The following CSGALNACT1 variants were observed in gnomAD, a reference collection of about 807,000 sequenced individuals.
CSGALNACT1 encodes the protein chondroitin sulfate N-acetylgalactosaminyltransferase 1.
Under a neutral mutation model 51.0 loss-of-function variants are expected in CSGALNACT1, and 52 were observed. The observed-to-expected ratio is 1.02, with a 90% CI of 0.82 to 1.29. The LOEUF (loss-of-function observed/expected upper bound fraction) is 1.29, where lower values mean the gene tolerates loss of function less well. Among genes scored for constraint, CSGALNACT1 ranks in the 50% most tolerant of loss-of-function variants. The pLI, the probability that CSGALNACT1 is intolerant of heterozygous loss-of-function variation, is 0.00. For synonymous variants in CSGALNACT1, 341 were observed against 254.4 expected, an observed-to-expected ratio of 1.34 and a Z score of -3.24; for missense variants, 935 against 679.2, an observed-to-expected ratio of 1.38 and a Z score of -4.19.
chr8:19,638,467 A>G (rs772423866), intron 1 of CSGALNACT1, among the ~76,000 whole-genome samples: 2 of 152,164 alleles, frequency 1.3e-5, no homozygotes, highest in Non-Finnish European at 2.9e-5. Context: ...TAATTGTTCT[A>G]GTTATTTCTG....
intron 1 of CSGALNACT1, among the ~76,000 whole-genome samples, chr8:19,691,501 T>C (rs1485379230): frequency 6.6e-6 from 1 of 152,186 alleles, no homozygotes; most frequent in Admixed American, 6.5e-5. Flanking sequence ...ACTAGGCCTG[T>C]TAGACCAAAC....
intron 5 of CSGALNACT1, among the ~76,000 whole-genome samples, chr8:19,457,293 C>G (rs1278284060): frequency 6.6e-6 from 1 of 152,152 alleles, no homozygotes; most frequent in Non-Finnish European, 1.5e-5. Flanking sequence ...GAACATTATG[C>G]CTTTCAATAA....
At chr8:19,723,745 G>A (rs2063249415) in intron 1 of CSGALNACT1, among the ~76,000 whole-genome samples, 1 of 152,140 alleles carries the variant, frequency 6.6e-6, no homozygotes, top group African/African-American at 2.4e-5. Flanking sequence ...ACCATTTGAT[G>A]GTACCGTACA....
rs1300251667 is a variant in CSGALNACT1, at chr8:19,472,997, T to C, written c.635-14355A>G. ...TCTTACTATTATTATCATGTCATTC[T>C]ACTTTGTTCCATCAATCATTTAATG... On this transcript the variant is annotated intron_variant, in intron 4 of 9. Coordinates refer to ENST00000454498, the Ensembl canonical transcript of CSGALNACT1. Among the ~76,000 whole-genome samples, 3 of 152,234 alleles carry C rather than the reference T, an allele frequency of 2.0e-5. No individual in the cohort carries two copies. In the East Asian group the frequency reaches 5.8e-4, roughly 29 times the overall value.
At chr8:19,609,191 A>G (rs1213788281) in intron 1 of CSGALNACT1, among the ~76,000 whole-genome samples, 1 of 150,834 alleles carries the variant, frequency 6.6e-6, no homozygotes, top group African/African-American at 2.4e-5. Context: ...TTTTTTTTAT[A>G]TTGAGATTGA....
intron 1 of CSGALNACT1, among the ~76,000 whole-genome samples, chr8:19,669,772 G>A (rs184148216): frequency 6.6e-6 from 1 of 152,220 alleles, no homozygotes; most frequent in African/African-American, 2.4e-5. Context: ...ACTGTGCCCA[G>A]CTGTAAACCA....
intron 9 of CSGALNACT1, among the ~76,000 whole-genome samples, chr8:19,408,296 T>A (rs1030640787): frequency 6.6e-6 from 1 of 151,664 alleles, no homozygotes; most frequent in Non-Finnish European, 1.5e-5. Context: ...CAGCCCTGAG[T>A]CTATGACATC....
At chr8:19,479,863 G>T (rs557533318) in intron 4 of CSGALNACT1, among the ~76,000 whole-genome samples, 3 of 129,046 alleles carry the variant, frequency 2.3e-5, no homozygotes, top group Non-Finnish European at 5.0e-5. Flanking sequence ...CCTCTCCGTA[G>T]ATCACACTAA....
intron 3 of CSGALNACT1, among the ~76,000 whole-genome samples, chr8:19,530,623 C>G (rs1246120912): frequency 2.0e-5 from 3 of 152,128 alleles, no homozygotes; most frequent in Non-Finnish European, 4.4e-5. Flanking sequence ...CCCAGTTATT[C>G]AAGTGGCTGA....
chr8:19,578,052 C>T (rs4410924), intron 3 of CSGALNACT1, among the ~76,000 whole-genome samples: 122,467 of 152,114 alleles, frequency 0.81, 49,665 homozygotes, highest in East Asian at 1. Context: ...TGCTTTCACT[C>T]AGCAGATGGG....
chr8:19,552,504 C>G (rs1213180623), intron 3 of CSGALNACT1, among the ~76,000 whole-genome samples: 1 of 151,838 alleles, frequency 6.6e-6, no homozygotes, highest in Admixed American at 6.6e-5. Context: ...TTTTTTTTGT[C>G]TAATAGAAAC....
chr8:19,422,986 A>G (rs999689821), intron 6 of CSGALNACT1, among the ~76,000 whole-genome samples: 5 of 152,196 alleles, frequency 3.3e-5, no homozygotes, highest in Admixed American at 6.5e-5. Context: ...CTTCCTCCCC[A>G]TTATACAGGG....
chr8:19,655,559 T>TAC (rs72307845), intron 1 of CSGALNACT1, among the ~76,000 whole-genome samples: 36 of 140,968 alleles, frequency 2.6e-4, no homozygotes, highest in South Asian at 1.1e-3. Context: ...CACATATATA[T>TAC]ACACACACAC....
intron 4 of CSGALNACT1, among the ~76,000 whole-genome samples, chr8:19,476,281 C>T (rs2069605740): frequency 6.6e-6 from 1 of 152,250 alleles, no homozygotes; most frequent in Middle Eastern, 3.4e-3. Context: ...CTCTTGTTGC[C>T]TAGGTAGAGT....
At chr8:19,573,359 G>C (rs749930855) in intron 3 of CSGALNACT1, among the ~76,000 whole-genome samples, 17 of 152,122 alleles carry the variant, frequency 1.1e-4, no homozygotes, top group Admixed American at 3.3e-4. Context: ...GGCCTTCCTC[G>C]GCACTGGATG....
intron 3 of CSGALNACT1, among the ~76,000 whole-genome samples, chr8:19,508,131 T>C (rs953068030): frequency 6.6e-6 from 1 of 152,198 alleles, no homozygotes; most frequent in African/African-American, 2.4e-5. Flanking sequence ...TATTTACCGA[T>C]GAGAAGAAGA....
chr8:19,452,490 A>G (rs1311248025), intron 5 of CSGALNACT1, among the ~76,000 whole-genome samples: 1 of 151,744 alleles, frequency 6.6e-6, no homozygotes, highest in Non-Finnish European at 1.5e-5. Flanking sequence ...TTTAGTCAAG[A>G]TCTTTTATCT....
chr8:19,641,602 T>G (rs1263013864), intron 1 of CSGALNACT1, among the ~76,000 whole-genome samples: 2 of 152,194 alleles, frequency 1.3e-5, no homozygotes, highest in Admixed American at 1.3e-4. Flanking sequence ...TCAACATACC[T>G]TTTTAAATGT....
chr8:19,530,148 G>A (rs2082456373), intron 3 of CSGALNACT1, among the ~76,000 whole-genome samples: 1 of 152,090 alleles, frequency 6.6e-6, no homozygotes, highest in African/African-American at 2.4e-5. Flanking sequence ...ATGAACCCAG[G>A]AGGCAGAGGT....
Sources: allele counts gnomAD v4.1 joint callset (sites outside exome capture counted in the v4.1 genomes callset), GRCh38; gene constraint gnomAD v4.1.1; transcripts MANE v1.5; gene names NCBI Gene and HGNC (gene_info 2026-07-23, HGNC 2026-07-21).